Variants in DENND1A observed in about 807,000 individuals in gnomAD.
DENND1A encodes the protein DENN domain-containing protein 1A.
In DENND1A, 51 loss-of-function variants were observed where a neutral mutation model predicts 113.7. The observed-to-expected ratio is 0.45, with a 90% CI of 0.36 to 0.57. The LOEUF (loss-of-function observed/expected upper bound fraction) is 0.57, where lower values mean the gene tolerates loss of function less well. DENND1A is among the 20% of genes least tolerant of loss of function. The pLI is 0.00. For missense variants in DENND1A, 1,258 were observed against 1,395.9 expected, an observed-to-expected ratio of 0.90 and a Z score of 1.57; for synonymous variants, 565 against 570.8, an observed-to-expected ratio of 0.99 and a Z score of 0.14.
In DENND1A at chr9:123,913,389, A is replaced by C. The variant is rs1464592288; in HGVS notation, c.17+16500T>G. On this transcript the variant is annotated intron_variant, in intron 1 of 23. Coordinates refer to ENST00000394215, the MANE Select transcript of DENND1A (RefSeq NM_001352964.2). ...GTCAAATCAACCTTGAAAAGTGATG[A>C]GAGGACATTCCAGGGTTATAACAAT... Among the ~76,000 whole-genome samples the C allele has an allele frequency of 2.6e-5, 4 of 152,190 alleles. No individual in the cohort carries two copies. The East Asian group carries it at 7.7e-4, about 29-fold the overall frequency.
At chr9:123,577,574 T>C (rs537016338) in intron 12 of DENND1A, among the ~76,000 whole-genome samples, 5 of 152,354 alleles carry the variant, frequency 3.3e-5, no homozygotes, top group Admixed American at 6.5e-5. Context: ...TTATCGAATA[T>C]TGGATTGTGT....
intron 3 of DENND1A, among the ~76,000 whole-genome samples, chr9:123,771,028 A>C (rs1829648357): frequency 6.6e-6 from 1 of 152,204 alleles, no homozygotes; most frequent in Non-Finnish European, 1.5e-5. Context: ...TGTATATCAC[A>C]GCACTGCTAA....
chr9:123,445,708 A>G (rs1330701853), intron 18 of DENND1A, among the ~76,000 whole-genome samples: 2 of 152,256 alleles, frequency 1.3e-5, no homozygotes, highest in East Asian at 1.9e-4. Flanking sequence ...CCGTCTCTAC[A>G]AAAATACAAA....
intron 1 of DENND1A, among the ~76,000 whole-genome samples, chr9:123,896,137 G>A (rs571231111): frequency 1.3e-5 from 2 of 151,508 alleles, no homozygotes; most frequent in South Asian, 2.1e-4. Flanking sequence ...AGCTCCATCA[G>A]GAAAAAATAA....
chr9:123,823,202 G>A (rs1345892086), intron 2 of DENND1A, among the ~76,000 whole-genome samples: 1 of 152,122 alleles, frequency 6.6e-6, no homozygotes, highest in African/African-American at 2.4e-5. Flanking sequence ...AAAAGAAAAA[G>A]CACAGCATGC....
At chr9:123,728,493 A>ACAAAAAAAAAAACAAAAC (rs2067896583) in intron 5 of DENND1A, among the ~76,000 whole-genome samples, 1 of 144,998 alleles carries the variant, frequency 6.9e-6, no homozygotes, top group African/African-American at 2.6e-5. Context: ...AAAAAAAAAA[A>ACAAAAAAAAAAACAAAAC]AAAAAAAAAA....
chr9:123,454,826 G>T, intron 15 of DENND1A, 47 bp from the exon 16 acceptor site: 1 of 1,475,828 alleles, frequency 6.8e-7, no homozygotes, highest in Non-Finnish European at 9.2e-7. Context: ...GAGGTGATTT[G>T]TCCTTGGGAG....
At chr9:123,800,547 CTTTA>C (rs1834470481) in intron 2 of DENND1A, among the ~76,000 whole-genome samples, 1 of 152,158 alleles carries the variant, frequency 6.6e-6, no homozygotes, top group Non-Finnish European at 1.5e-5. Context: ...TTCTTTTTGG[CTTTA>C]TTTATTTACA....
chr9:123,794,546 T>C (rs1213593419), intron 2 of DENND1A, among the ~76,000 whole-genome samples: 2 of 152,208 alleles, frequency 1.3e-5, no homozygotes, highest in Admixed American at 1.3e-4. Flanking sequence ...ATGCCCTCTT[T>C]CTTGCAGTAA....
intron 12 of DENND1A, among the ~76,000 whole-genome samples, chr9:123,574,173 C>CTTTTT (rs542615815): frequency 5.4e-5 from 6 of 110,112 alleles, no homozygotes; most frequent in East Asian, 2.7e-4. Flanking sequence ...CTGTAGTTGC[C>CTTTTT]TTTTTTTTTT....
At chr9:123,846,022 A>AT (rs1204015729) in intron 2 of DENND1A, among the ~76,000 whole-genome samples, 1 of 152,160 alleles carries the variant, frequency 6.6e-6, no homozygotes, top group Admixed American at 6.5e-5. Flanking sequence ...TAACCTGGTA[A>AT]TTTTTTAAAC....
chr9:123,884,104 C>T (rs1848687062), intron 1 of DENND1A, among the ~76,000 whole-genome samples: 1 of 152,088 alleles, frequency 6.6e-6, no homozygotes, highest in African/African-American at 2.4e-5. Context: ...TAAAAAAGTG[C>T]CTCCTCTAAA....
At chr9:123,538,805 CATACATAT>C (rs1386788712) in intron 13 of DENND1A, among the ~76,000 whole-genome samples, 1,600 of 50,032 alleles carry the variant, frequency 0.032, 194 homozygotes, top group African/African-American at 0.036. Context: ...GGTGACAACT[CATACATAT>C]ATATATATAT....
intron 13 of DENND1A, among the ~76,000 whole-genome samples, chr9:123,475,081 C>T (rs930433898): frequency 6.6e-6 from 1 of 152,008 alleles, no homozygotes; most frequent in African/African-American, 2.4e-5. Context: ...TGCAGTGGCC[C>T]GATCTCAGCT....
intron 13 of DENND1A, among the ~76,000 whole-genome samples, chr9:123,547,620 G>A (rs1456526542): frequency 6.6e-6 from 1 of 152,028 alleles, no homozygotes; most frequent in Non-Finnish European, 1.5e-5. Flanking sequence ...ATAATTGCTG[G>A]TGGGCAATAA....
chr9:123,414,577 G>T (rs1220935374), intron 19 of DENND1A: 1 of 1,550,484 alleles, frequency 6.4e-7, no homozygotes, highest in East Asian at 2.4e-5. Context: ...TCCTTTTGGG[G>T]ATTCACAACG....
At chr9:123,705,177 C>A (rs1392372595) in intron 5 of DENND1A, among the ~76,000 whole-genome samples, 1 of 151,734 alleles carries the variant, frequency 6.6e-6, no homozygotes, top group African/African-American at 2.4e-5. Context: ...ATTTGTGGCA[C>A]GTAAATAAAA....
intron 5 of DENND1A, among the ~76,000 whole-genome samples, chr9:123,677,427 T>TTTTG (rs375265120): frequency 1.3e-4 from 20 of 152,158 alleles, no homozygotes; most frequent in East Asian, 1.9e-4. Flanking sequence ...GTGGCTTGTT[T>TTTTG]TTTGTTTGTT....
chr9:123,858,650 G>A lies in DENND1A; in HGVS notation c.88+20301C>T, dbSNP rs1422642985. 3.3e-5 allele frequency among the ~76,000 whole-genome samples: 5 copies of A among 152,158 alleles called. No individual in the cohort carries two copies. In the East Asian group the frequency reaches 9.6e-4, roughly 29 times the overall value. On this transcript the variant is annotated intron_variant, in intron 2 of 23. Coordinates refer to ENST00000394215, the MANE Select transcript of DENND1A (RefSeq NM_001352964.2). ...ATTTGAGATGCCCATGTAGGATGGA[G>A]AAACAGCTACGGACAGAGAGCTGAG...
Sources: gnomAD v4.1 joint callset for allele counts (sites outside exome capture counted in the v4.1 genomes callset) on GRCh38, gnomAD v4.1.1 for gene constraint, MANE v1.5 for transcripts, NCBI Gene and HGNC (gene_info 2026-07-23, HGNC 2026-07-21) for gene names.